Variants in MYO18A observed in about 807,000 individuals in gnomAD.
The protein encoded by MYO18A is unconventional myosin-XVIIIa.
A neutral mutation model predicts 235.8 loss-of-function variants in MYO18A; 78 were observed. The ratio of observed to expected loss-of-function variants is 0.33; its 90% CI spans 0.28 to 0.40. The LOEUF is 0.40. Among genes scored for constraint, MYO18A ranks in the 10% least tolerant of loss-of-function variants. The pLI, the probability that MYO18A is intolerant of heterozygous loss-of-function variation, is 1.00. For missense variants in MYO18A, 2,215 were observed against 2,699.3 expected, an observed-to-expected ratio of 0.82 and a Z score of 3.98; for synonymous variants, 977 against 1,077.8, an observed-to-expected ratio of 0.91 and a Z score of 1.83.
chr17:29,148,801 G>A (rs1266972849), intron 2 of MYO18A, among the ~76,000 whole-genome samples: 2 of 152,170 alleles, frequency 1.3e-5, no homozygotes, highest in Non-Finnish European at 2.9e-5. Context: ...GGGCTGAGAG[G>A]AAACCTGGAG....
Position 29,119,883 on chromosome 17 carries a change from C to CT in MYO18A, c.1729-449dup, listed in dbSNP as rs530700850. 6.7e-4 allele frequency among the ~76,000 whole-genome samples: 98 copies of CT among 145,888 alleles called. 1 individual carries two copies. The highest frequency in any genetic ancestry group is 4.4e-3 in the East Asian group (22 of 4,968). On this transcript the variant is annotated intron_variant, in intron 7 of 41. Coordinates refer to ENST00000527372, the MANE Select transcript of MYO18A (RefSeq NM_078471.4). Reference sequence around the variant, plus strand: ...CCAACCTGCATCTTGTTTTTTAAGTCTTTTTTTTTTAAGATAGGGTCTCGC... The same window carrying CT: ...CCAACCTGCATCTTGTTTTTTAAGTCTTTTTTTTTTTAAGATAGGGTCTCGC...
rs761205928 is a variant in MYO18A at position 29,166,150 on chromosome 17, T to C, written c.791A>G (p.Lys264Arg). 6.2e-7 allele frequency: 1 copy of C among 1,613,148 alleles called. No individual in the cohort carries two copies. Among genetic ancestry groups the C allele is most frequent in the Non-Finnish European group, 8.5e-7 (1 of 1,179,882 alleles). ...TGGCACCAGCCCCAGGGCCAGGTCC[T>C]TGGTGCCTGCACCAGGCTCAGCAAA... ...VHFAEPGAGTKDLALGLVPGD... is the reference protein window; with the variant it reads ...VHFAEPGAGTRDLALGLVPGD... Residue 264 changes from lysine (K) to arginine (R), a missense_variant, in exon 2 of 42, where the codon AAG becomes AGG. Coordinates refer to ENST00000527372, the MANE Select transcript of MYO18A (RefSeq NM_078471.4).
chr17:29,144,558 C>T (rs941135375), intron 2 of MYO18A, among the ~76,000 whole-genome samples: 3 of 152,214 alleles, frequency 2.0e-5, no homozygotes, highest in African/African-American at 7.2e-5. Context: ...GGGAAAGTTA[C>T]TTGACTTCTT....
chr17:29,090,445 C>A, intron 36 of MYO18A, 87 bp downstream of exon 36: 1 of 1,198,932 alleles, frequency 8.3e-7, no homozygotes, highest in Non-Finnish European at 1.2e-6. Context: ...CAGAGAAAAG[C>A]GCCTTCTAAA....
chr17:29,098,487 C>T (rs573775233), intron 23 of MYO18A, 42 bp from the exon 24 acceptor site: 12 of 1,608,268 alleles, frequency 7.5e-6, no homozygotes, highest in African/African-American at 2.7e-5. Context: ...AAAGGCACTG[C>T]GAGGGATTGG....
Position 29,101,748 on chromosome 17 carries a change from G to C in MYO18A, c.3507+1851C>G, listed in dbSNP as rs139301963. Among the ~76,000 whole-genome samples the C allele has an allele frequency of 1.2e-3, 188 of 152,300 alleles. 1 individual carries two copies. The East Asian group carries it at 0.032, about 26-fold the overall frequency. On this transcript the variant is annotated intron_variant, in intron 21 of 41. Transcript: ENST00000527372. ...CAGGGCAGAAGTGAGGTGCTGGAGT[G>C]GGGGGTGGATAATGGCTCAGAGACA...
intron 2 of MYO18A, among the ~76,000 whole-genome samples, chr17:29,157,026 G>C (rs1443270612): frequency 1.3e-5 from 2 of 152,198 alleles, no homozygotes; most frequent in Admixed American, 1.3e-4. Context: ...GCCCACTCTT[G>C]GTCAGAGGTG....
intron 41 of MYO18A, chr17:29,081,098 AACTC>A: frequency 1.4e-6 from 1 of 715,416 alleles, no homozygotes; most frequent in Non-Finnish European, 1.7e-6. Flanking sequence ...ACAAGTATTA[AACTC>A]AGAGAATAAA....
chr17:29,131,429 T>C, intron 2 of MYO18A: 1 of 985,780 alleles, frequency 1.0e-6, no homozygotes, highest in Non-Finnish European at 1.2e-6. Flanking sequence ...CAGAGTTTTG[T>C]CCTCCTCTTT....
rs969314500 is a variant in MYO18A at position 29,116,725 on chromosome 17, TCCCCCCCCCCC to T, written c.2039-281_2039-271del. 3.6e-3 allele frequency among the ~76,000 whole-genome samples: 13 copies of T among 3,564 alleles called. 4 individuals carry two copies. The highest frequency in any genetic ancestry group is 0.056 in the South Asian group (2 of 36). The allele number at this position is 3,564 out of a possible 152,430, so 2.3% of individuals were successfully genotyped here. A position where few individuals can be genotyped will look rare whatever the true frequency, so the allele number is the denominator to read the frequency against. The stretch of plus-strand genomic sequence containing the variant: ...CATGTGTGTGTGCGCAAACACACCC[TCCCCCCCCCCC>T]CCCCCCCCCGCCGGAAAACACTGGA... On this transcript the variant is annotated intron_variant, in intron 10 of 41. Transcript: ENST00000527372.
intron 41 of MYO18A, chr17:29,080,023 G>C (rs1024160241): frequency 2.8e-5 from 28 of 985,738 alleles, no homozygotes; most frequent in Non-Finnish European, 3.4e-5. Flanking sequence ...TTCGGAGCCG[G>C]AGCTGGAGCT....
chr17:29,127,689 G>A (rs2152882192), intron 2 of MYO18A, among the ~76,000 whole-genome samples: 1 of 152,370 alleles, frequency 6.6e-6, no homozygotes, highest in African/African-American at 2.4e-5. Context: ...TTGGGTTAGG[G>A]AAAGCCATGC....
At position 29,073,603 on chromosome 17, in the gene MYO18A, A is replaced by G; in HGVS notation, c.*1167T>C. On this transcript the variant is annotated 3_prime_UTR_variant, in exon 42 of 42. Transcript: ENST00000527372. ...AGTGAGTACAAACCAATTGCAGGAG[A>G]GAAGGGGGGCGGCAGATGGGAGCAG... 2.2e-6 allele frequency: 1 copy of G among 446,276 alleles called. No homozygotes were observed. Among genetic ancestry groups the G allele is most frequent in the Middle Eastern group, 5.7e-4 (1 of 1,758 alleles). The allele number at this position is 446,276 out of a possible 1,614,324, so 27.6% of individuals were successfully genotyped here. A position where few individuals can be genotyped will look rare whatever the true frequency, so the allele number is the denominator to read the frequency against.
chr17:29,093,567 C>T, intron 31 of MYO18A, 140 bp from the exon 32 acceptor site: 1 of 681,454 alleles, frequency 1.5e-6, no homozygotes, highest in African/African-American at 1.8e-5. Context: ...GGGTCAGAAC[C>T]TAAATTCCAG....
intron 2 of MYO18A, among the ~76,000 whole-genome samples, chr17:29,122,640 C>G (rs756909513): frequency 6.6e-5 from 10 of 152,246 alleles, no homozygotes; most frequent in Non-Finnish European, 1.2e-4. Context: ...GTCCTGAGTC[C>G]AAGGCCCTAG....
At chr17:29,130,299 CAAAA>C in intron 2 of MYO18A, among the ~76,000 whole-genome samples, 1 of 55,934 alleles carries the variant, frequency 1.8e-5, no homozygotes, top group Non-Finnish European at 3.0e-5. Context: ...AACCCTGTCT[CAAAA>C]AAAAAAAAAA....
Position 29,117,378 on chromosome 17 carries a change from AAGGGAAG to A in MYO18A, c.2038+660_2038+666del, listed in dbSNP as rs2067099370. Among the ~76,000 whole-genome samples, 1 of 152,050 alleles carries A rather than the reference AAGGGAAG, an allele frequency of 6.6e-6. No individual in the cohort carries two copies. The highest frequency in any genetic ancestry group is 6.5e-5 in the Admixed American group (1 of 15,278). On this transcript the variant is annotated intron_variant, in intron 10 of 41. Coordinates refer to ENST00000527372, the MANE Select transcript of MYO18A (RefSeq NM_078471.4). The surrounding 1 kb of genome is among the most constrained non-coding windows in gnomAD (Gnocchi z 4.6). ...ATACGGAGCTACCCAACCAGTGGAG[AAGGGAAG>A]AGGACTGGGGAAAACTGGTCTGGGG...
chr17:29,096,350 A>G (rs533185540), intron 28 of MYO18A, among the ~76,000 whole-genome samples: 2 of 152,274 alleles, frequency 1.3e-5, no homozygotes, highest in Admixed American at 6.5e-5. Flanking sequence ...TACCATAATG[A>G]GATGGAAGTG....
chr17:29,172,255 C>T (rs1429852871), intron 1 of MYO18A, among the ~76,000 whole-genome samples: 1 of 152,118 alleles, frequency 6.6e-6, no homozygotes, highest in Non-Finnish European at 1.5e-5. Flanking sequence ...GGGCAGATCA[C>T]CTGAGATCAG....
Sources: gnomAD v4.1 joint callset for allele counts (sites outside exome capture counted in the v4.1 genomes callset) on GRCh38, gnomAD v4.1.1 for gene constraint, Gnocchi (gnomAD v3.1) non-coding constraint, MANE v1.5 for transcripts, NCBI Gene and HGNC (gene_info 2026-07-23, HGNC 2026-07-21) for gene names.